The following IMPG1 variants were observed in gnomAD, a reference collection of about 807,000 sequenced individuals.
IMPG1 encodes the protein interphotoreceptor matrix proteoglycan of 150 kDa.
In IMPG1, 85 loss-of-function variants were observed where a neutral mutation model predicts 92.0. That is an observed-to-expected ratio of 0.92 (90% CI 0.78 to 1.11). The LOEUF (loss-of-function observed/expected upper bound fraction) is 1.11, where lower values mean the gene tolerates loss of function less well. Ranked by LOEUF, IMPG1 falls within the 50% of genes least tolerant of loss-of-function variation. IMPG1 has a pLI of 0.00. For missense variants in IMPG1, 1,022 were observed against 956.0 expected (o/e 1.07, Z -0.91); for synonymous variants, 367 against 334.1 (o/e 1.10, Z -1.08).
At chr6:76,013,303 A>G (rs1255774078) in intron 7 of IMPG1, among the ~76,000 whole-genome samples, 1 of 151,956 alleles carries the variant, frequency 6.6e-6, no homozygotes, top group African/African-American at 2.4e-5. Context: ...TCCTGCCATC[A>G]TTATCCCCTT....
intron 1 of IMPG1, among the ~76,000 whole-genome samples, chr6:76,049,664 TA>T (rs1266557664): frequency 2.6e-5 from 4 of 152,170 alleles, no homozygotes; most frequent in South Asian, 2.1e-4. Context: ...CATTTGTTGA[TA>T]GGGGTGGTGG....
In IMPG1 at chr6:76,034,617, T is replaced by G. The variant is rs987130657; in HGVS notation, c.468+4A>C. 5.6e-6 allele frequency: 9 copies of G among 1,613,914 alleles called. No individual in the cohort carries two copies. The African/African-American group carries it at 1.1e-4, about 19-fold the overall frequency. On this transcript the variant is annotated splice_donor_region_variant and intron_variant, in intron 3 of 16. Coordinates refer to ENST00000369950, the MANE Select transcript of IMPG1 (RefSeq NM_001563.4). The stretch of plus-strand genomic sequence containing the variant: ...CCAAATAACCATGTGGTGTTTAGGC[T>G]CACCTGCTGGAGAAGATCCAGGTGC...
intron 15 of IMPG1, among the ~76,000 whole-genome samples, chr6:75,924,904 C>A: frequency 6.8e-6 from 1 of 147,944 alleles, no homozygotes; most frequent in Non-Finnish European, 1.5e-5. Context: ...AGCTCTCACT[C>A]GTGGAATTTA....
intron 14 of IMPG1, among the ~76,000 whole-genome samples, chr6:75,946,904 G>A (rs1406642195): frequency 1.3e-5 from 2 of 152,074 alleles, no homozygotes; most frequent in African/African-American, 4.8e-5. Context: ...ATAATGAACT[G>A]TGATTGAAAG....
At chr6:76,008,426 G>A (rs1783131202) in intron 8 of IMPG1, among the ~76,000 whole-genome samples, 2 of 152,244 alleles carry the variant, frequency 1.3e-5, no homozygotes, top group Admixed American at 1.3e-4. Flanking sequence ...GATGGGATTG[G>A]GGTTGTTGCC....
chr6:75,974,325 C>CTT (rs1782473284), intron 12 of IMPG1, among the ~76,000 whole-genome samples: 1 of 146,772 alleles, frequency 6.8e-6, no homozygotes, highest in East Asian at 2.0e-4. Context: ...TTCCCTCTTT[C>CTT]TTTCCCTTTC....
chr6:76,022,134 G>T lies in IMPG1; in HGVS notation c.648C>A (p.Asp216Glu). Residue 216 changes from aspartate to glutamate, a missense_variant, in exon 6 of 17, where the codon GAC becomes GAA. Physicochemically the swap from Asp to Glu is conservative, Grantham distance 45 (BLOSUM62 2). Coordinates refer to ENST00000369950, the MANE Select transcript of IMPG1 (RefSeq NM_001563.4). ...TTCTTACTGTTGTAGGCATCTTGGT[G>T]TCGTTGAGTGTATTATCGAGAATTT... is the stretch of plus-strand genomic sequence containing the variant. ...LNEILDNTLN[D>E]TKMPTTERET... 6.3e-7 allele frequency: 1 copy of T among 1,585,336 alleles called. No individual in the cohort carries two copies. The highest frequency in any genetic ancestry group is 8.6e-7 in the Non-Finnish European group (1 of 1,158,318).
At chr6:75,936,360 T>C (rs767381148) in intron 14 of IMPG1, among the ~76,000 whole-genome samples, 1 of 152,180 alleles carries the variant, frequency 6.6e-6, no homozygotes, top group Non-Finnish European at 1.5e-5. Context: ...AAAATATATA[T>C]GTTTAAGTTT....
chr6:76,011,162 T>A lies in IMPG1; in HGVS notation c.866+4A>T. 6.9e-7 allele frequency: 1 copy of A among 1,448,406 alleles called. No individual in the cohort carries two copies. Among genetic ancestry groups the A allele is most frequent in the Non-Finnish European group, 9.7e-7 (1 of 1,033,410 alleles). The allele number at this position is 1,448,406 out of a possible 1,614,324, so 89.7% of individuals were successfully genotyped here. On this transcript the variant is annotated splice_donor_region_variant and intron_variant, in intron 8 of 16. Transcript: ENST00000369950. ...ATTGAGAAGAGTTTGATTCTCTTAC[T>A]TACCTAAATCCTAACACATGGATTT...
chr6:76,064,208 TGCTG>T (rs913705904), intron 1 of IMPG1, among the ~76,000 whole-genome samples: 1 of 152,138 alleles, frequency 6.6e-6, no homozygotes, highest in African/African-American at 2.4e-5. Flanking sequence ...ACTGCATCCC[TGCTG>T]GCTATGTGCC....
At chr6:75,991,216 C>A (rs1782808266) in intron 12 of IMPG1, among the ~76,000 whole-genome samples, 1 of 151,986 alleles carries the variant, frequency 6.6e-6, no homozygotes, top group African/African-American at 2.4e-5. Context: ...ACAGTGAAAC[C>A]CCATCTCTAC....
intron 1 of IMPG1, among the ~76,000 whole-genome samples, chr6:76,060,791 C>T (rs540098139): frequency 4.6e-5 from 7 of 152,214 alleles, no homozygotes; most frequent in East Asian, 1.9e-4. Flanking sequence ...CAAGAAGGGG[C>T]GGTGTGGATG....
At chr6:76,010,951 G>A (rs1195778112) in intron 8 of IMPG1, among the ~76,000 whole-genome samples, 1 of 152,174 alleles carries the variant, frequency 6.6e-6, no homozygotes, top group East Asian at 1.9e-4. Context: ...CCCAGAAGAA[G>A]GAAGGAATAC....
chr6:75,998,820 CAA>C (rs1369099612), intron 12 of IMPG1, among the ~76,000 whole-genome samples: 1 of 152,140 alleles, frequency 6.6e-6, no homozygotes, highest in African/African-American at 2.4e-5. Context: ...GACAGAATAT[CAA>C]GTTTCTCCTA....
chr6:75,966,879 T>C (rs1228047600), intron 12 of IMPG1, among the ~76,000 whole-genome samples: 1 of 152,100 alleles, frequency 6.6e-6, no homozygotes, highest in African/African-American at 2.4e-5. Flanking sequence ...ATTTTTCTGA[T>C]ACATTAAAAC....
Position 75,922,022 on chromosome 6 carries a change from A to G in IMPG1, c.*67T>C. ...ATGACCCATGAATATGCCTGTCTCCATTTTCCTTGAGAAGGCAAATCATCT... is the reference window on the plus strand; with the variant it reads ...ATGACCCATGAATATGCCTGTCTCCGTTTTCCTTGAGAAGGCAAATCATCT... On this transcript the variant is annotated 3_prime_UTR_variant, in exon 17 of 17. Transcript: ENST00000369950. 2.6e-6 allele frequency: 2 copies of G among 754,972 alleles called. No individual in the cohort carries two copies. Among genetic ancestry groups the G allele is most frequent in the Non-Finnish European group, 4.7e-6 (2 of 428,628 alleles). 46.8% of individuals were successfully genotyped at this position (754,972 alleles called of 1,614,324 possible).
At chr6:75,996,543 A>G (rs1295458234) in intron 12 of IMPG1, among the ~76,000 whole-genome samples, 1 of 152,180 alleles carries the variant, frequency 6.6e-6, no homozygotes, top group Non-Finnish European at 1.5e-5. Context: ...CTCTTCATAA[A>G]AACTGGACTG....
intron 14 of IMPG1, among the ~76,000 whole-genome samples, chr6:75,946,890 T>G (rs911616335): frequency 2.0e-5 from 3 of 152,170 alleles, no homozygotes; most frequent in Non-Finnish European, 2.9e-5. Context: ...AAGTAGCTAT[T>G]CTGATAATGA....
At chr6:76,023,069 G>A (rs1329171772) in intron 5 of IMPG1, among the ~76,000 whole-genome samples, 1 of 152,202 alleles carries the variant, frequency 6.6e-6, no homozygotes, top group East Asian at 1.9e-4. Context: ...GTCACTGTGA[G>A]GCTCTGTGAA....
Sources: allele counts gnomAD v4.1 joint callset (sites outside exome capture counted in the v4.1 genomes callset), GRCh38; gene constraint gnomAD v4.1.1; transcripts MANE v1.5; gene names NCBI Gene and HGNC (gene_info 2026-07-23, HGNC 2026-07-21).